ZNF335: variants seen among roughly 807,000 people sequenced by gnomAD.
The protein encoded by ZNF335 is NRC-interacting factor 1.
Under a neutral mutation model 145.6 loss-of-function variants are expected in ZNF335, and 84 were observed. The observed-to-expected ratio is 0.58, with a 90% CI of 0.48 to 0.69. The LOEUF (loss-of-function observed/expected upper bound fraction) is 0.69, where lower values mean the gene tolerates loss of function less well. Among genes scored for constraint, ZNF335 ranks in the 30% least tolerant of loss-of-function variants. The probability of loss-of-function intolerance (pLI) is 0.00; values close to 1 mark genes in which losing one functional copy is unlikely to be tolerated. For synonymous variants in ZNF335, 761 were observed against 717.0 expected (o/e 1.06, Z -0.98); for missense variants, 1,865 against 1,809.7 (o/e 1.03, Z -0.55).
In ZNF335 at chr20:45,950,390, G is replaced by T; in HGVS notation, c.3333-17C>A. On this transcript the variant is annotated splice_polypyrimidine_tract_variant and intron_variant, in intron 21 of 27. Transcript: ENST00000322927. ...CGGTTGAAACTGAGGGGGATGAAAG[G>T]TGGCTCAGGTTAGCTCCACCATACA... The T allele has an allele frequency of 6.2e-7, 1 of 1,607,104 alleles. No individual in the cohort carries two copies. The highest frequency in any genetic ancestry group is 8.5e-7 in the Non-Finnish European group (1 of 1,174,710).
Position 45,950,457 on chromosome 20 carries a change from G to A in ZNF335, c.3328C>T (p.Gln1110Ter). The A allele has an allele frequency of 6.2e-7, 1 of 1,614,224 alleles. No individual in the cohort carries two copies. Residue 1110 changes from glutamine to a stop codon, truncating the protein, a stop_gained, in exon 21 of 28, where the codon CAG becomes TAG. Coordinates refer to ENST00000322927, the MANE Select transcript of ZNF335 (RefSeq NM_022095.4). LOFTEE classifies it high-confidence loss of function. ...EKPFACHLCGQRFNRNGHLKF... is the reference protein window; with the variant it reads ...EKPFACHLCG ...CCCACCAGTATCTGGCCTCACCGCT[G>A]CCCGCAGAGGTGGCATGCAAAAGGC...
intron 22 of ZNF335, 64 bp from the exon 23 acceptor site, chr20:45,950,133 C>T: frequency 6.2e-7 from 1 of 1,604,606 alleles, no homozygotes; most frequent in Admixed American, 1.7e-5. Flanking sequence ...CCAGCTGCTA[C>T]TGTACCCAGT....
At chr20:45,971,609 G>A in intron 1 of ZNF335, 149 bp from the exon 2 acceptor site, 1 of 1,434,892 alleles carries the variant, frequency 7.0e-7, no homozygotes. Flanking sequence ...ATTGCGAGGG[G>A]AGCTCGGGAA....
rs1047831462 is a variant in ZNF335 at position 45,949,568 on chromosome 20, C to T, written c.3670G>A (p.Val1224Met). The change falls in exon 25 of 28, where the codon GTG becomes ATG. Residue 1224 changes from valine (V) to methionine (M), a missense_variant and splice_region_variant. Coordinates refer to ENST00000322927, the MANE Select transcript of ZNF335 (RefSeq NM_022095.4). The stretch of plus-strand genomic sequence containing the variant: ...CCATCCTGGGAGATGATATACTGCA[C>T]CTGTTGGTGGGGGGGGCGGGCATGG... ...VQHLVTSDNQ[V>M]QYIISQDGVQ... 1.9e-6 allele frequency: 3 copies of T among 1,609,890 alleles called. No individual in the cohort carries two copies. Among genetic ancestry groups the T allele is most frequent in the South Asian group, 2.2e-5 (2 of 90,690 alleles).
intron 20 of ZNF335, among the ~76,000 whole-genome samples, chr20:45,951,359 G>C (rs764662191): frequency 3.9e-5 from 6 of 152,252 alleles, no homozygotes; most frequent in Non-Finnish European, 8.8e-5. Flanking sequence ...GCTGGGCTGT[G>C]AACCTGCCCC....
intron 7 of ZNF335, chr20:45,964,633 T>C (rs533362000): frequency 5.3e-5 from 8 of 152,266 alleles, no homozygotes; most frequent in South Asian, 2.1e-4. Context: ...TACAGGTGCT[T>C]GGTTACACAG....
rs201480106 is a variant in ZNF335 at position 45,960,438 on chromosome 20, A to G, written c.1859+11T>C. 5.5e-4 allele frequency: 881 copies of G among 1,614,044 alleles called. 4 individuals carry two copies. The highest frequency in any genetic ancestry group is 9.4e-5 in the Non-Finnish European group (111 of 1,179,998). ...CTGCTCCCGTCCCCAGGGGCCTCCA[A>G]GGGGATGTACCTGCGGTTGGCAACA... On this transcript the variant is annotated intron_variant, in intron 13 of 27. Coordinates refer to ENST00000322927, the MANE Select transcript of ZNF335 (RefSeq NM_022095.4).
At position 45,963,545 on chromosome 20, in the gene ZNF335, A is replaced by C; in HGVS notation, c.1461T>G (p.His487Gln). 6.2e-7 allele frequency: 1 copy of C among 1,614,184 alleles called. No homozygotes were observed. The highest frequency in any genetic ancestry group is 8.5e-7 in the Non-Finnish European group (1 of 1,180,036). ...HEDLRFHVNS[H>Q]EAGDPQLFKC... ...TGAAGAGCTGGGGATCGCCAGCCTCATGGGAGTTGACGTGGAAGCGCAGGT... is the reference window on the plus strand; with the variant it reads ...TGAAGAGCTGGGGATCGCCAGCCTCCTGGGAGTTGACGTGGAAGCGCAGGT... Residue 487 changes from histidine to glutamine, a missense_variant, in exon 9 of 28, where the codon CAT (histidine) becomes CAG (glutamine). Transcript: ENST00000322927.
At chr20:45,966,462 C>T (rs970296802) in intron 6 of ZNF335, among the ~76,000 whole-genome samples, 12 of 151,948 alleles carry the variant, frequency 7.9e-5, no homozygotes, top group Non-Finnish European at 1.5e-5. Context: ...AATCCCAGTG[C>T]TTTGGAAGGC....
Position 45,959,393 on chromosome 20 carries a change from T to C in ZNF335, c.2061A>G (p.Thr687=), listed in dbSNP as rs1483904275. The change falls in exon 15 of 28, where the codon ACA becomes ACG. Residue 687 remains threonine, a synonymous_variant. Coordinates refer to ENST00000322927, the MANE Select transcript of ZNF335 (RefSeq NM_022095.4). ...GCAGGCGCAGGTTCTTCTTGTGCCG[T>C]GTGCTGAAGTGGCAGTACTCACAGG... ...PFACEYCHFS[T]RHKKNLRLHV... is the part of the protein sequence containing the mutation. 1 of 1,528,766 alleles carries C rather than the reference T, an allele frequency of 6.5e-7. No homozygotes were observed. Among genetic ancestry groups the C allele is most frequent in the Non-Finnish European group, 8.9e-7 (1 of 1,128,462 alleles). 94.7% of individuals were successfully genotyped at this position (1,528,766 alleles called of 1,614,324 possible). A position where few individuals can be genotyped will look rare whatever the true frequency, so the allele number is the denominator to read the frequency against.
Position 45,965,167 on chromosome 20 carries a change from CATAA to C in ZNF335, c.1102+457_1102+460del, listed in dbSNP as rs1016745712. Among the ~76,000 whole-genome samples, 61 of 152,054 alleles carry C rather than the reference CATAA, an allele frequency of 4.0e-4. 5 individuals are homozygous for C. Among genetic ancestry groups the C allele is most frequent in the Admixed American group, 3.3e-3 (51 of 15,266 alleles). ...AAGGCATGCTGCTATAACCTCCATG[CATAA>C]ATAAAGGGACTGGAGATTTAAGCTC... On this transcript the variant is annotated intron_variant, in intron 7 of 27. Transcript: ENST00000322927.
rs780244650 is a variant in ZNF335, at chr20:45,969,707, CAG to C, written c.202-18_202-17del. The C allele has an allele frequency of 7.5e-6, 12 of 1,608,544 alleles. No homozygotes were observed. Among genetic ancestry groups the C allele is most frequent in the African/African-American group, 1.3e-5 (1 of 74,912 alleles). On this transcript the variant is annotated splice_polypyrimidine_tract_variant and intron_variant, in intron 2 of 27. Coordinates refer to ENST00000322927, the MANE Select transcript of ZNF335 (RefSeq NM_022095.4). ...ATACCTCCTCCTGAGGGGCATGAAA[CAG>C]GGAGGGAAAAAGTTTAGCAGCTGGG...
intron 18 of ZNF335, 100 bp from the exon 19 acceptor site, chr20:45,952,809 G>A: frequency 1.9e-6 from 2 of 1,080,444 alleles, no homozygotes; most frequent in African/African-American, 1.6e-5. Context: ...CACCACAGAT[G>A]GACTCAAGTC....
At position 45,963,998 on chromosome 20, in the gene ZNF335, G is replaced by A. The variant is rs746395057; in HGVS notation, c.1103-8C>T. 13 of 1,514,188 alleles carry A rather than the reference G, an allele frequency of 8.6e-6. No homozygotes were observed. In the Admixed American group the frequency reaches 1.4e-4, roughly 16 times the overall value. 93.8% of individuals were successfully genotyped at this position (1,514,188 alleles called of 1,614,324 possible). A position where few individuals can be genotyped will look rare whatever the true frequency, so the allele number is the denominator to read the frequency against. On this transcript the variant is annotated splice_polypyrimidine_tract_variant and splice_region_variant and intron_variant, in intron 7 of 27. Transcript: ENST00000322927. Reference sequence around the variant, plus strand: ...GAGGCTCTCCTTCCACACCTGCCACGGACATGCCAGGTCACAAGCCAGCCA... The same window carrying A: ...GAGGCTCTCCTTCCACACCTGCCACAGACATGCCAGGTCACAAGCCAGCCA...
At chr20:45,964,090 A>G in intron 7 of ZNF335, 100 bp from the exon 8 acceptor site, 1 of 1,418,710 alleles carries the variant, frequency 7.0e-7, no homozygotes, top group Non-Finnish European at 9.4e-7. Flanking sequence ...CCACCCACTC[A>G]TCACAGACCA....
Position 45,948,692 on chromosome 20 carries a change from C to G in ZNF335, c.*261G>C. 1 of 487,932 alleles carries G rather than the reference C, an allele frequency of 2.0e-6. No individual in the cohort carries two copies. Among genetic ancestry groups the G allele is most frequent in the Non-Finnish European group, 3.8e-6 (1 of 265,870 alleles). 30.2% of individuals were successfully genotyped at this position (487,932 alleles called of 1,614,324 possible). ...CTGGACTCCGGTCCCTTTATTGAGA[C>G]TGACAGGCCAGTGGGTCCACCCAAA... is the stretch of plus-strand genomic sequence containing the variant. On this transcript the variant is annotated 3_prime_UTR_variant, in exon 28 of 28. Coordinates refer to ENST00000322927, the MANE Select transcript of ZNF335 (RefSeq NM_022095.4).
chr20:45,969,362 A>G, intron 3 of ZNF335, 89 bp downstream of exon 3: 2 of 1,385,054 alleles, frequency 1.4e-6, no homozygotes, highest in African/African-American at 2.9e-5. Context: ...TGGGAAAGTA[A>G]TCTGCCTGAG....
chr20:45,950,941 G>C (rs2083620347), intron 20 of ZNF335, among the ~76,000 whole-genome samples: 1 of 152,048 alleles, frequency 6.6e-6, no homozygotes, highest in East Asian at 1.9e-4. Flanking sequence ...CCCAGAGGCT[G>C]GAGTGCAATG....
intron 20 of ZNF335, 118 bp downstream of exon 20, chr20:45,952,029 C>T (rs891759370): frequency 1.1e-5 from 15 of 1,398,242 alleles, no homozygotes; most frequent in Non-Finnish European, 1.4e-5. Context: ...TCTGACCCAT[C>T]TCATCCACTC....
Sources: gnomAD v4.1 joint callset for allele counts (sites outside exome capture counted in the v4.1 genomes callset) on GRCh38, gnomAD v4.1.1 for gene constraint, MANE v1.5 for transcripts, NCBI Gene and HGNC (gene_info 2026-07-23, HGNC 2026-07-21) for gene names.